GIMAP8: variants seen among roughly 807,000 people sequenced by gnomAD.
GIMAP8 encodes GTPase IMAP family member 8.
A neutral mutation model predicts 35.6 loss-of-function variants in GIMAP8; 29 were observed. The ratio of observed to expected loss-of-function variants is 0.81; its 90% confidence interval spans 0.61 to 1.11. The LOEUF (loss-of-function observed/expected upper bound fraction) is 1.11, where lower values mean the gene tolerates loss of function less well. Ranked by LOEUF, GIMAP8 falls within the 50% of genes most tolerant of loss-of-function variation. The pLI is 0.00. For synonymous variants in GIMAP8, 335 were observed against 308.7 expected, an observed-to-expected ratio of 1.09 and a Z score of -0.89; for missense variants, 811 against 805.0, an observed-to-expected ratio of 1.01 and a Z score of -0.09.
chr7:150,467,042 A>G lies in GIMAP8; in HGVS notation c.344A>G (p.Lys115Arg). The change falls in exon 2 of 5, where the codon AAG becomes AGG. Residue 115 changes from lysine (K) to arginine (R), a missense_variant. Lys to Arg is a conservative substitution (Grantham distance 26). Transcript: ENST00000307271. ...ACAAGGGAGGATGAGGAAACAGCCAAGGGCATCCAACAAGTGTTTGGAGCT... is the reference window on the plus strand; with the variant it reads ...ACAAGGGAGGATGAGGAAACAGCCAGGGGCATCCAACAAGTGTTTGGAGCT... ...HFTREDEETA[K>R]GIQQVFGAEA... 3.1e-6 allele frequency: 5 copies of G among 1,614,228 alleles called. No individual in the cohort carries two copies. The highest frequency in any genetic ancestry group is 4.2e-6 in the Non-Finnish European group (5 of 1,180,034).
chr7:150,457,327 C>T (rs1801751065), intron 1 of GIMAP8, among the ~76,000 whole-genome samples: 1 of 152,222 alleles, frequency 6.6e-6, no homozygotes. Context: ...CCAGCAACCT[C>T]CAGCGTGTGT....
At chr7:150,463,102 C>T (rs1369946486) in intron 1 of GIMAP8, among the ~76,000 whole-genome samples, 1 of 151,936 alleles carries the variant, frequency 6.6e-6, no homozygotes, top group Admixed American at 6.6e-5. Flanking sequence ...CTTTCTTCTG[C>T]TTGATCTAGT....
In GIMAP8 at chr7:150,467,000, T is replaced by C. The variant is rs767787407; in HGVS notation, c.302T>C (p.Ile101Thr). ...AGCCTCCATGCTCTGCTCTTGGTAA[T>C]TGCCATCGGCCATTTCACAAGGGAG... Reference protein sequence around the residue: ...APSLHALLLVIAIGHFTREDE... With the variant: ...APSLHALLLVTAIGHFTREDE... The change falls in exon 2 of 5, where the codon ATT (isoleucine) becomes ACT (threonine). Residue 101 changes from isoleucine (I) to threonine (T), a missense_variant. Ile to Thr is a moderately conservative substitution (Grantham distance 89). Transcript: ENST00000307271. The C allele has an allele frequency of 3.7e-6, 6 of 1,614,226 alleles. No individual in the cohort carries two copies. Among genetic ancestry groups the C allele is most frequent in the South Asian group, 1.1e-5 (1 of 91,086 alleles).
rs146888400 is a variant in GIMAP8, at chr7:150,474,311, C to T, written c.982C>T (p.Leu328=). Residue 328 remains leucine, a synonymous_variant, in exon 4 of 5, where the codon CTG becomes TTG. Transcript: ENST00000307271. ...KHICTGPHAF[L]LVTPLGFYTK... ...CATCTGTACAGGCCCCCATGCCTTC[C>T]TGCTGGTGACACCACTGGGCTTTTA... 168 of 1,614,016 alleles carry T rather than the reference C, an allele frequency of 1.0e-4. No homozygotes were observed. The highest frequency in any genetic ancestry group is 1.4e-4 in the Non-Finnish European group (161 of 1,179,978).
At chr7:150,456,660 T>G (rs890518011) in intron 1 of GIMAP8, among the ~76,000 whole-genome samples, 2 of 152,216 alleles carry the variant, frequency 1.3e-5, no homozygotes, top group Non-Finnish European at 2.9e-5. Context: ...TGTGGACACC[T>G]TGGGCGACCA....
intron 4 of GIMAP8, among the ~76,000 whole-genome samples, chr7:150,475,102 A>C (rs548843288): frequency 1.4e-4 from 21 of 152,238 alleles, no homozygotes; most frequent in African/African-American, 4.3e-4. Flanking sequence ...TATGTGCCAC[A>C]TTTTCTAAAA....
rs191270931 is a variant in GIMAP8 at position 150,452,707 on chromosome 7, T to C, written c.-29+1532T>C. Among the ~76,000 whole-genome samples the C allele has an allele frequency of 4.0e-3, 364 of 91,550 alleles. 11 individuals carry two copies. Among genetic ancestry groups the C allele is most frequent in the South Asian group, 9.8e-3 (28 of 2,846 alleles). The allele number at this position is 91,550 out of a possible 152,430, so 60.1% of individuals were successfully genotyped here. On this transcript the variant is annotated intron_variant, in intron 1 of 4. Coordinates refer to ENST00000307271, the MANE Select transcript of GIMAP8 (RefSeq NM_175571.4). ...ATATATATATATATATATATATATA[T>C]ATACATGCGAGTGGAACTACAGGCA...
intron 3 of GIMAP8, 78 bp downstream of exon 3, chr7:150,470,952 A>G: frequency 9.0e-7 from 1 of 1,111,140 alleles, no homozygotes; most frequent in Non-Finnish European, 1.4e-6. Context: ...TGAAGCGGAA[A>G]CATTATCCAT....
In GIMAP8 at chr7:150,450,872, A is replaced by G. The variant is rs1023639206; in HGVS notation, c.-332A>G. The G allele has an allele frequency of 6.6e-6, 1 of 152,432 alleles. No individual in the cohort carries two copies. The highest frequency in any genetic ancestry group is 2.4e-5 in the African/African-American group (1 of 41,406). The allele number at this position is 152,432 out of a possible 1,614,324, so 9.4% of individuals were successfully genotyped here. A position where few individuals can be genotyped will look rare whatever the true frequency, so the allele number is the denominator to read the frequency against. Reference sequence around the variant, plus strand: ...TCAGTTTCTGCTGTGTTGTGACCCCACGAGGCGCTCAGCACCCAGGGAAGG... The same window carrying G: ...TCAGTTTCTGCTGTGTTGTGACCCCGCGAGGCGCTCAGCACCCAGGGAAGG... On this transcript the variant is annotated 5_prime_UTR_variant, in exon 1 of 5. Transcript: ENST00000307271. The surrounding 1 kb of genome is among the most constrained non-coding windows in gnomAD (Gnocchi z 4.4).
At chr7:150,471,641 A>T (rs1802091686) in intron 3 of GIMAP8, among the ~76,000 whole-genome samples, 1 of 152,196 alleles carries the variant, frequency 6.6e-6, no homozygotes, top group Non-Finnish European at 1.5e-5. Flanking sequence ...GTTCAAGACC[A>T]GCTTGGCCAA....
chr7:150,475,361 C>A (rs1394663444), intron 4 of GIMAP8, among the ~76,000 whole-genome samples: 2 of 152,210 alleles, frequency 1.3e-5, no homozygotes, highest in Admixed American at 1.3e-4. Context: ...TTTTCTCTTT[C>A]TTTGCTTCTC....
intron 2 of GIMAP8, among the ~76,000 whole-genome samples, chr7:150,467,812 T>C (rs1029753101): frequency 6.6e-6 from 1 of 152,204 alleles, no homozygotes. Context: ...TTTTATGGCA[T>C]TGAGCTTCAT....
chr7:150,458,847 G>A (rs944169424), intron 1 of GIMAP8, among the ~76,000 whole-genome samples: 1 of 152,184 alleles, frequency 6.6e-6, no homozygotes, highest in Non-Finnish European at 1.5e-5. Context: ...ATGTTAGAGG[G>A]ATAAGAGAGG....
chr7:150,458,312 A>G (rs1400546557), intron 1 of GIMAP8, among the ~76,000 whole-genome samples: 3 of 152,196 alleles, frequency 2.0e-5, no homozygotes, highest in Non-Finnish European at 4.4e-5. Flanking sequence ...GGAAGAGCCA[A>G]TGTGGCAGAT....
chr7:150,476,545 C>G (rs1802233415), intron 4 of GIMAP8, among the ~76,000 whole-genome samples: 2 of 151,824 alleles, frequency 1.3e-5, no homozygotes, highest in Non-Finnish European at 2.9e-5. Context: ...TTTACATGTC[C>G]TAACTAAGGA....
In GIMAP8 at chr7:150,478,977, A is replaced by G. The variant is rs983795499; in HGVS notation, c.*1197A>G. The G allele has an allele frequency of 2.6e-5, 4 of 152,246 alleles. No homozygotes were observed. The highest frequency in any genetic ancestry group is 9.6e-5 in the African/African-American group (4 of 41,460). 9.4% of individuals were successfully genotyped at this position (152,246 alleles called of 1,614,324 possible). ...ACTTTGTACATGCTTTGAGAGCATA[A>G]TCTTTGTCATCTGTTTTTTTCCCCT... On this transcript the variant is annotated 3_prime_UTR_variant, in exon 5 of 5. Coordinates refer to ENST00000307271, the MANE Select transcript of GIMAP8 (RefSeq NM_175571.4).
At chr7:150,453,352 GC>G (rs1280218959) in intron 1 of GIMAP8, among the ~76,000 whole-genome samples, 4 of 152,198 alleles carry the variant, frequency 2.6e-5, no homozygotes. Flanking sequence ...GGTGGGCTCT[GC>G]CCCGTGCCGT....
In GIMAP8 at chr7:150,477,078, C is replaced by G; in HGVS notation, c.1310-14C>G. ...AGCCCATGGTCACGAATCTTTCCCA[C>G]TTTCCTTTGACAGAAACCCTGAACA... On this transcript the variant is annotated splice_polypyrimidine_tract_variant and intron_variant, in intron 4 of 4. Transcript: ENST00000307271. The G allele has an allele frequency of 6.3e-7, 1 of 1,587,104 alleles. No homozygotes were observed. The highest frequency in any genetic ancestry group is 8.6e-7 in the Non-Finnish European group (1 of 1,159,578).
At chr7:150,454,203 G>A (rs1450848095) in intron 1 of GIMAP8, among the ~76,000 whole-genome samples, 1 of 151,972 alleles carries the variant, frequency 6.6e-6, no homozygotes, top group East Asian at 1.9e-4. Flanking sequence ...GCACAAGGTA[G>A]GGTCTCGTGA....
Sources: allele counts gnomAD v4.1 joint callset (sites outside exome capture counted in the v4.1 genomes callset), GRCh38; gene constraint gnomAD v4.1.1; non-coding constraint Gnocchi (gnomAD v3.1); transcripts MANE v1.5; gene names NCBI Gene and HGNC (gene_info 2026-07-23, HGNC 2026-07-21).